PXN: variants seen among roughly 807,000 people sequenced by gnomAD.
PXN encodes the protein paxillin.
PXN carries 61 observed loss-of-function variants against 103.6 expected under a neutral mutation model. That is an observed-to-expected ratio of 0.59 (90% CI 0.48 to 0.73). The LOEUF (loss-of-function observed/expected upper bound fraction) is 0.73, where lower values mean the gene tolerates loss of function less well. PXN is among the 30% of genes least tolerant of loss of function. The pLI is 0.00. For missense variants in PXN, 1,274 were observed against 1,460.3 expected (o/e 0.87, Z 2.08); for synonymous variants, 562 against 607.8 (o/e 0.92, Z 1.11).
chr12:120,215,763 G>A lies in PXN; in HGVS notation c.2302-102C>T, dbSNP rs549757332. 7.4e-7 allele frequency: 1 copy of A among 1,349,776 alleles called. No homozygotes were observed. Among genetic ancestry groups the A allele is most frequent in the South Asian group, 1.6e-5 (1 of 62,722 alleles). The allele number at this position is 1,349,776 out of a possible 1,614,324, so 83.6% of individuals were successfully genotyped here. ...TAAAAGGGAATCTAGGATGAGATCTGAGGGTTTCTCCCCCACCGGCAGGAC... is the reference window on the plus strand; with the variant it reads ...TAAAAGGGAATCTAGGATGAGATCTAAGGGTTTCTCCCCCACCGGCAGGAC... On this transcript the variant is annotated intron_variant, in intron 9 of 14. Coordinates refer to ENST00000637617, the MANE Select transcript of PXN (RefSeq NM_001385981.1). This position sits in a 1 kb window ranked among gnomAD's most constrained non-coding sequence, Gnocchi z 4.9.
intron 1 of PXN, chr12:120,248,579 C>G (rs1240672183): frequency 6.5e-6 from 1 of 153,380 alleles, no homozygotes; most frequent in Non-Finnish European, 1.4e-5. Context: ...CCAGTGGCAC[C>G]GCGTGGCATC....
chr12:120,262,686 C>T (rs11611541), intron 1 of PXN, among the ~76,000 whole-genome samples: 21,289 of 152,186 alleles, frequency 0.14, 1,650 homozygotes, highest in Non-Finnish European at 0.16. Context: ...ACCAAGTACA[C>T]TGAGAACATG....
chr12:120,224,485 G>C lies in PXN; in HGVS notation c.14-108C>G. The stretch of plus-strand genomic sequence containing the variant: ...CAAGAGTTAATGCCTTCTAGCACCT[G>C]CCCCACCCATGGGAGAAATGACCAG... On this transcript the variant is annotated intron_variant, in intron 1 of 14. Transcript: ENST00000637617. This position sits in a 1 kb window ranked among gnomAD's most constrained non-coding sequence, Gnocchi z 5.0. 1.2e-6 allele frequency: 1 copy of C among 842,270 alleles called. No homozygotes were observed. Among genetic ancestry groups the C allele is most frequent in the Non-Finnish European group, 2.1e-6 (1 of 486,160 alleles). The allele number at this position is 842,270 out of a possible 1,614,324, so 52.2% of individuals were successfully genotyped here.
intron 1 of PXN, among the ~76,000 whole-genome samples, chr12:120,236,476 C>CTTTTT (rs1051367345): frequency 7.7e-6 from 1 of 130,704 alleles, no homozygotes; most frequent in African/African-American, 2.9e-5. Flanking sequence ...CCCAGATGAT[C>CTTTTT]TTTTTTTTTT....
rs867357963 is a variant in PXN, at chr12:120,258,534, C to T, written c.13+7083G>A. ...GTCATTCAGGCCAACCATAGGCAGG[C>T]GCAGGCCAGCACCTAGGCCCAACAA... is the stretch of plus-strand genomic sequence containing the variant. On this transcript the variant is annotated intron_variant, in intron 1 of 14. Transcript: ENST00000637617. Among the ~76,000 whole-genome samples the T allele has an allele frequency of 9.9e-5, 15 of 152,244 alleles. 1 individual carries two copies. Among genetic ancestry groups the T allele is most frequent in the South Asian group, 6.2e-4 (3 of 4,826 alleles).
Position 120,219,582 on chromosome 12 carries a change from C to T in PXN, c.1341G>A (p.Glu447=). Residue 447 remains glutamate, a synonymous_variant, in exon 7 of 15, where the codon GAG becomes GAA. Transcript: ENST00000637617. This position sits in a 1 kb window ranked among gnomAD's most constrained non-coding sequence, Gnocchi z 6.5. ...GAGCAGCTCCAGAGGGGGGCATTCT[C>T]TCAGGCCCGAATACCTCCGAAGCCC... ...QPWASEVFGP[E]RMPPSGAARS... 1 of 1,569,266 alleles carries T rather than the reference C, an allele frequency of 6.4e-7. No individual in the cohort carries two copies. Among genetic ancestry groups the T allele is most frequent in the Non-Finnish European group, 8.6e-7 (1 of 1,165,138 alleles).
chr12:120,256,777 G>A (rs1190556923), intron 1 of PXN, among the ~76,000 whole-genome samples: 1 of 152,102 alleles, frequency 6.6e-6, no homozygotes, highest in Non-Finnish European at 1.5e-5. Context: ...GAGTGCAGTG[G>A]CCTGATCTTG....
intron 1 of PXN, among the ~76,000 whole-genome samples, chr12:120,237,438 G>T (rs1889305511): frequency 6.6e-6 from 1 of 152,100 alleles, no homozygotes; most frequent in Admixed American, 6.5e-5. Context: ...GGTTCAAGAT[G>T]ACTCCATGAC....
At chr12:120,247,692 CAAGTG>C (rs1392576323) in intron 1 of PXN, 1 of 154,524 alleles carries the variant, frequency 6.5e-6, no homozygotes, top group African/African-American at 2.4e-5. Context: ...TGAGAATCCG[CAAGTG>C]ACTCACTGAC....
Position 120,214,834 on chromosome 12 carries a change from G to A in PXN, c.2739C>T (p.Pro913=), listed in dbSNP as rs760880494. The change falls in exon 12 of 15, where the codon CCC becomes CCT. Residue 913 remains proline (P), a synonymous_variant. Coordinates refer to ENST00000637617, the MANE Select transcript of PXN (RefSeq NM_001385981.1). The surrounding 1 kb of genome is among the most constrained non-coding windows in gnomAD (Gnocchi z 5.0). The part of the protein sequence containing the change: ...FSPRCYYCNG[P]ILDKVVTALD... ...CGGATGAGGAACTCACATCCAGGAT[G>A]GGGCCGTTGCAGTAGTAGCAGCGCG... The A allele has an allele frequency of 2.7e-5, 43 of 1,613,878 alleles. No homozygotes were observed. The East Asian group carries it at 9.6e-4, about 36-fold the overall frequency.
intron 1 of PXN, among the ~76,000 whole-genome samples, chr12:120,255,071 G>A (rs1223032679): frequency 6.6e-6 from 1 of 152,176 alleles, no homozygotes; most frequent in Non-Finnish European, 1.5e-5. Context: ...CTGGTGCGCA[G>A]ACCGGAAGAA....
chr12:120,240,797 C>T (rs139184568), intron 1 of PXN, among the ~76,000 whole-genome samples: 1 of 152,282 alleles, frequency 6.6e-6, no homozygotes, highest in Non-Finnish European at 1.5e-5. Flanking sequence ...ATTGGAACAT[C>T]GACACTAACC....
chr12:120,253,346 G>T (rs1632619), intron 1 of PXN, among the ~76,000 whole-genome samples: 16,807 of 152,046 alleles, frequency 0.11, 2,791 homozygotes, highest in African/African-American at 0.36. Context: ...GATGGCACAC[G>T]CCTGTAGTCT....
At chr12:120,264,239 T>C (rs971312020) in intron 1 of PXN, 1 of 152,176 alleles carries the variant, frequency 6.6e-6, no homozygotes, top group East Asian at 1.9e-4. Flanking sequence ...CACCTACAAA[T>C]AGCCAGTCTT....
chr12:120,250,428 T>C (rs1313629618), intron 1 of PXN, among the ~76,000 whole-genome samples: 1 of 152,158 alleles, frequency 6.6e-6, no homozygotes, highest in African/African-American at 2.4e-5. Context: ...TCCTTTTTTC[T>C]ACTGCTACTA....
chr12:120,224,840 G>A lies in PXN; in HGVS notation c.14-463C>T, dbSNP rs144473453. The A allele has an allele frequency of 3.5e-3, 1,489 of 422,640 alleles. 13 individuals are homozygous for A. The highest frequency in any genetic ancestry group is 0.028 in the African/African-American group (1,365 of 49,326). The allele number at this position is 422,640 out of a possible 1,614,324, so 26.2% of individuals were successfully genotyped here. ...AAGAGCTTAGGCTTTCCCAGCCCCC[G>A]ACTGGAAGGGGCACTCAGGATGGTC... On this transcript the variant is annotated intron_variant, in intron 1 of 14. Coordinates refer to ENST00000637617, the MANE Select transcript of PXN (RefSeq NM_001385981.1). The surrounding 1 kb of genome is among the most constrained non-coding windows in gnomAD (Gnocchi z 5.0).
rs369634306 is a variant in PXN, at chr12:120,222,948, C to T, written c.408G>A (p.Thr136=). The part of the protein sequence containing the change: ...SAEPSPTVMS[T]SLGSNLSELD... ...GTTCAGAAAGGTTGCTGCCCAGGGACGTGCTCATTACGGTGGGTGAAGGCT... is the reference window on the plus strand; with the variant it reads ...GTTCAGAAAGGTTGCTGCCCAGGGATGTGCTCATTACGGTGGGTGAAGGCT... The change falls in exon 4 of 15, where the codon ACG becomes ACA. Residue 136 remains threonine, a synonymous_variant. Transcript: ENST00000637617. This position sits in a 1 kb window ranked among gnomAD's most constrained non-coding sequence, Gnocchi z 4.7. 77 of 1,613,926 alleles carry T rather than the reference C, an allele frequency of 4.8e-5. No individual in the cohort carries two copies. The African/African-American group carries it at 9.1e-4, about 19-fold the overall frequency.
In PXN at chr12:120,228,769, G is replaced by A. The variant is rs1222624763; in HGVS notation, c.14-4392C>T. Among the ~76,000 whole-genome samples, 1 of 152,180 alleles carries A rather than the reference G, an allele frequency of 6.6e-6. No individual in the cohort carries two copies. Among genetic ancestry groups the A allele is most frequent in the African/African-American group, 2.4e-5 (1 of 41,438 alleles). On this transcript the variant is annotated intron_variant, in intron 1 of 14. Transcript: ENST00000637617. The surrounding 1 kb of genome is among the most constrained non-coding windows in gnomAD (Gnocchi z 4.7). ...GAGAACCAGAGGGGTGCACGCCCTC[G>A]CTTCCAGGGCCCTGTGCAAATGCAG...
At position 120,241,400 on chromosome 12, in the gene PXN, C is replaced by T. The variant is rs1425550828; in HGVS notation, c.14-17023G>A. ...AACAGATGTGGCCTCGCTTGGGTATCCAAGGCAGAGCCACCTGCACCTGTC... is the reference window on the plus strand; with the variant it reads ...AACAGATGTGGCCTCGCTTGGGTATTCAAGGCAGAGCCACCTGCACCTGTC... On this transcript the variant is annotated intron_variant, in intron 1 of 14. Coordinates refer to ENST00000637617, the MANE Select transcript of PXN (RefSeq NM_001385981.1). Among the ~76,000 whole-genome samples the T allele has an allele frequency of 7.2e-5, 11 of 152,346 alleles. No individual in the cohort carries two copies. The East Asian group carries it at 2.1e-3, about 29-fold the overall frequency.
Sources: gnomAD v4.1 joint callset for allele counts (sites outside exome capture counted in the v4.1 genomes callset) on GRCh38, gnomAD v4.1.1 for gene constraint, Gnocchi (gnomAD v3.1) non-coding constraint, MANE v1.5 for transcripts, NCBI Gene and HGNC (gene_info 2026-07-23, HGNC 2026-07-21) for gene names.